The following SAFB2 variants were observed in gnomAD, a reference collection of about 807,000 sequenced individuals.
SAFB2 encodes scaffold attachment factor B2.
Under a neutral mutation model 100.6 loss-of-function variants are expected in SAFB2, and 32 were observed. That is an observed-to-expected ratio of 0.32 (90% CI 0.24 to 0.43). SAFB2 has a LOEUF of 0.43. Ranked by LOEUF, SAFB2 falls within the 20% of genes least tolerant of loss-of-function variation. The probability of loss-of-function intolerance (pLI) is 1.00; values close to 1 mark genes in which losing one functional copy is unlikely to be tolerated. For synonymous variants in SAFB2, 500 were observed against 439.4 expected (o/e 1.14, Z -1.72); for missense variants, 1,185 against 1,163.4 (o/e 1.02, Z -0.27).
At position 5,604,887 on chromosome 19, in the gene SAFB2, C is replaced by T. The variant is rs2052740177; in HGVS notation, c.1346G>A (p.Cys449Tyr). ...TGTCGACATGGTGACGAATCCATAG[C>T]ATCGAGCCCCCGGGCTGCGGGCGTT... ...VTNARSPGAR[C>Y]YGFVTMSTSD... Residue 449 changes from cysteine to tyrosine, a missense_variant, in exon 10 of 21, where the codon TGC (cysteine) becomes TAC (tyrosine). Around this residue, in one of 3 missense-constraint regions of SAFB2, gnomAD observed 94 missense variants for 135.1 expected, o/e 0.70. Transcript: ENST00000252542. The T allele has an allele frequency of 6.2e-7, 1 of 1,614,076 alleles. No individual in the cohort carries two copies. Among genetic ancestry groups the T allele is most frequent in the Admixed American group, 1.7e-5 (1 of 60,020 alleles).
At chr19:5,605,356 C>T (rs1420577176) in intron 9 of SAFB2, among the ~76,000 whole-genome samples, 1 of 152,132 alleles carries the variant, frequency 6.6e-6, no homozygotes, top group South Asian at 2.1e-4. Flanking sequence ...CTACCCAAGT[C>T]GGCCTCCCAA....
chr19:5,600,084 C>T (rs375173722), intron 12 of SAFB2, 46 bp downstream of exon 12: 8 of 1,583,282 alleles, frequency 5.1e-6, no homozygotes, highest in African/African-American at 4.1e-5. Context: ...ACTCCCCACC[C>T]GTGCCAGGCC....
At chr19:5,611,885 G>C (rs117636854) in intron 6 of SAFB2, 10,700 of 618,110 alleles carry the variant, frequency 0.017, 125 homozygotes, top group Non-Finnish European at 0.02. Context: ...CACGCGGCTG[G>C]TTCTCAATAG....
chr19:5,595,532 A>G, intron 13 of SAFB2, 35 bp from the exon 14 acceptor site: 1 of 1,608,970 alleles, frequency 6.2e-7, no homozygotes. Flanking sequence ...ATGTCAGGAA[A>G]ATGATTGCAA....
Position 5,611,302 on chromosome 19 carries a change from A to G in SAFB2, c.963T>C (p.Ser321=). Residue 321 remains serine, a synonymous_variant, in exon 7 of 21, where the codon AGT becomes AGC. Coordinates refer to ENST00000252542, the MANE Select transcript of SAFB2 (RefSeq NM_014649.3). The part of the protein sequence containing the change: ...VGLEPAVEQS[S]AASELAEASS... ...AGGCCTCCGCGAGCTCGGAGGCCGC[A>G]CTACTCTGCTCAACTGCCGGCTCTA... 8.2e-6 allele frequency: 3 copies of G among 364,658 alleles called. No homozygotes were observed. The highest frequency in any genetic ancestry group is 9.0e-6 in the Non-Finnish European group (2 of 222,726). The allele number at this position is 364,658 out of a possible 1,614,324, so 22.6% of individuals were successfully genotyped here. A position where few individuals can be genotyped will look rare whatever the true frequency, so the allele number is the denominator to read the frequency against.
intron 1 of SAFB2, 51 bp from the exon 2 acceptor site, chr19:5,621,447 C>T (rs1353179073): frequency 8.6e-7 from 1 of 1,160,272 alleles, no homozygotes; most frequent in Non-Finnish European, 1.3e-6. Context: ...GCAGGGCACA[C>T]ACTGTTCCTT....
chr19:5,606,417 G>A lies in SAFB2; in HGVS notation c.1297-1481C>T, dbSNP rs374141236. On this transcript the variant is annotated intron_variant, in intron 9 of 20. Coordinates refer to ENST00000252542, the MANE Select transcript of SAFB2 (RefSeq NM_014649.3). The stretch of plus-strand genomic sequence containing the variant: ...AAGGCAGGTAGATCACTTGAGGCCA[G>A]GTGTTCAAAACCAGCCTGGGCAACA... 6.6e-5 allele frequency among the ~76,000 whole-genome samples: 10 copies of A among 152,212 alleles called. No homozygotes were observed. In the East Asian group the frequency reaches 1.7e-3, roughly 26 times the overall value.
At position 5,604,650 on chromosome 19, in the gene SAFB2, A is replaced by G. The variant is rs773449265; in HGVS notation, c.1492T>C (p.Cys498Arg). 2 of 1,613,962 alleles carry G rather than the reference A, an allele frequency of 1.2e-6. No individual in the cohort carries two copies. Among genetic ancestry groups the G allele is most frequent in the Admixed American group, 1.7e-5 (1 of 59,996 alleles). Reference protein sequence around the residue: ...AGKKLSDRKECEVKKEKLSSV... With the variant: ...AGKKLSDRKEREVKKEKLSSV... ...GATAATTTTTCCTTCTTCACTTCGCACTCTTTTCTGTCGGAAAGCTTTTTC... is the reference window on the plus strand; with the variant it reads ...GATAATTTTTCCTTCTTCACTTCGCGCTCTTTTCTGTCGGAAAGCTTTTTC... Residue 498 changes from cysteine (C) to arginine (R), a missense_variant, in exon 11 of 21, where the codon TGC (cysteine) becomes CGC (arginine). By Grantham distance (180) the Cys-to-Arg change is radical. Around this residue, in one of 3 missense-constraint regions of SAFB2, gnomAD observed 740 missense variants for 687.1 expected, o/e 1.08. Coordinates refer to ENST00000252542, the MANE Select transcript of SAFB2 (RefSeq NM_014649.3).
intron 14 of SAFB2, among the ~76,000 whole-genome samples, chr19:5,594,855 A>C (rs970981427): frequency 5.3e-5 from 8 of 152,024 alleles, no homozygotes; most frequent in Non-Finnish European, 1.2e-4. Context: ...GGCTTTGATG[A>C]CTTCTTTTTA....
At chr19:5,622,410 G>A in intron 1 of SAFB2, 120 bp downstream of exon 1, 2 of 1,047,202 alleles carry the variant, frequency 1.9e-6, no homozygotes, top group South Asian at 3.8e-5. Flanking sequence ...ACCTCGAACC[G>A]GGGTCGGCCA....
At chr19:5,610,895 A>G (rs2052895476) in intron 7 of SAFB2, 2 of 792,702 alleles carry the variant, frequency 2.5e-6, no homozygotes, top group Admixed American at 3.3e-5. Flanking sequence ...TTAGCTGAAG[A>G]TAACAATTAA....
chr19:5,605,631 G>A (rs542300429), intron 9 of SAFB2, among the ~76,000 whole-genome samples: 1 of 152,268 alleles, frequency 6.6e-6, no homozygotes, highest in East Asian at 1.9e-4. Flanking sequence ...ACACAGACAT[G>A]GACTGTCAGA....
intron 8 of SAFB2, 44 bp from the exon 9 acceptor site, chr19:5,610,139 C>G (rs1329887071): frequency 6.7e-7 from 1 of 1,502,736 alleles, no homozygotes; most frequent in Non-Finnish European, 9.3e-7. Flanking sequence ...CAAGGCCTAA[C>G]AGGAAGCACA....
chr19:5,609,663 G>A (rs933115451), intron 9 of SAFB2, among the ~76,000 whole-genome samples: 3 of 152,170 alleles, frequency 2.0e-5, no homozygotes, highest in African/African-American at 7.2e-5. Flanking sequence ...AGAACCCCAA[G>A]AACATTGAGA....
intron 6 of SAFB2, 178 bp from the exon 7 acceptor site, chr19:5,611,808 C>T (rs2052913333): frequency 1.9e-5 from 12 of 638,306 alleles, no homozygotes; most frequent in Non-Finnish European, 3.4e-5. Flanking sequence ...GCGCCGCGAC[C>T]GCCTCTAGGT....
In SAFB2 at chr19:5,598,890, G is replaced by T. The variant is rs780031425; in HGVS notation, c.1691-6C>A. Reference sequence around the variant, plus strand: ...CCGCTCCATTCCTCTGCTTCCTTCAGGAAAAAACACAACAAACTATCAAAA... The same window carrying T: ...CCGCTCCATTCCTCTGCTTCCTTCATGAAAAAACACAACAAACTATCAAAA... On this transcript the variant is annotated splice_polypyrimidine_tract_variant and splice_region_variant and intron_variant, in intron 12 of 20. Coordinates refer to ENST00000252542, the MANE Select transcript of SAFB2 (RefSeq NM_014649.3). The T allele has an allele frequency of 5.6e-6, 9 of 1,613,626 alleles. No homozygotes were observed. The highest frequency in any genetic ancestry group is 1.7e-6 in the Non-Finnish European group (2 of 1,179,902).
chr19:5,614,690 C>T (rs1357100131), intron 4 of SAFB2, among the ~76,000 whole-genome samples: 2 of 152,176 alleles, frequency 1.3e-5, no homozygotes, highest in Non-Finnish European at 2.9e-5. Flanking sequence ...AGTCAGAGTA[C>T]AATGAAGATC....
At position 5,587,834 on chromosome 19, in the gene SAFB2, A is replaced by G; in HGVS notation, c.2638+34T>C. 1 of 1,585,516 alleles carries G rather than the reference A, an allele frequency of 6.3e-7. No homozygotes were observed. Among genetic ancestry groups the G allele is most frequent in the South Asian group, 1.1e-5 (1 of 87,768 alleles). ...AAGCCCCTGGACACATGTGGGGGCC[A>G]CAGCCACCCTCGTCCCTGGAGCCAG... On this transcript the variant is annotated intron_variant, in intron 19 of 20. Coordinates refer to ENST00000252542, the MANE Select transcript of SAFB2 (RefSeq NM_014649.3). This position sits in a 1 kb window ranked among gnomAD's most constrained non-coding sequence, Gnocchi z 4.9.
At chr19:5,615,112 T>C (rs1329824913) in intron 4 of SAFB2, among the ~76,000 whole-genome samples, 3 of 152,132 alleles carry the variant, frequency 2.0e-5, no homozygotes, top group Non-Finnish European at 2.9e-5. Flanking sequence ...CCCAGCACTT[T>C]GGGAGGCCAA....
Sources: gnomAD v4.1 joint callset for allele counts (sites outside exome capture counted in the v4.1 genomes callset) on GRCh38, gnomAD v4.1.1 for gene constraint, gnomAD v4.1.1 regional missense constraint, Gnocchi (gnomAD v3.1) non-coding constraint, MANE v1.5 for transcripts, NCBI Gene and HGNC (gene_info 2026-07-23, HGNC 2026-07-21) for gene names.